The following PRKDC variants were observed in gnomAD, a reference collection of about 807,000 sequenced individuals.
The protein encoded by PRKDC is protein kinase, DNA-activated, catalytic subunit.
Under a neutral mutation model 486.9 loss-of-function variants are expected in PRKDC, and 82 were observed. The ratio of observed to expected loss-of-function variants is 0.17; its 90% CI spans 0.14 to 0.20. The LOEUF (loss-of-function observed/expected upper bound fraction) is 0.20. Ranked by LOEUF, PRKDC falls within the 10% of genes least tolerant of loss-of-function variation. The pLI is 1.00. For missense variants in PRKDC, 4,504 were observed against 5,038.2 expected, an observed-to-expected ratio of 0.89 and a Z score of 3.21; for synonymous variants, 1,895 against 1,837.0, an observed-to-expected ratio of 1.03 and a Z score of -0.81.
At chr8:47,907,649 C>T (rs2089815618) in intron 25 of PRKDC, among the ~76,000 whole-genome samples, 1 of 148,856 alleles carries the variant, frequency 6.7e-6, no homozygotes, top group Non-Finnish European at 1.5e-5. Flanking sequence ...ATTCTCCTGT[C>T]TCAGCCTCCC....
rs771266444 is a variant in PRKDC, at chr8:47,834,192, T to C, written c.8152+4A>G. 9 of 1,613,938 alleles carry C rather than the reference T, an allele frequency of 5.6e-6. No individual in the cohort carries two copies. In the East Asian group the frequency reaches 2.0e-4, roughly 36 times the overall value. On this transcript the variant is annotated splice_donor_region_variant and intron_variant, in intron 59 of 85. Transcript: ENST00000314191. ...TTTTAAGCACACTCAGCAACCCAGC[T>C]TACCTTTCACTTTGTTATCCACCTC...
intron 71 of PRKDC, among the ~76,000 whole-genome samples, chr8:47,799,762 G>A (rs746601816): frequency 2.0e-5 from 3 of 152,118 alleles, no homozygotes; most frequent in African/African-American, 4.8e-5. Context: ...AGAAGACAAG[G>A]CCCCACAACT....
chr8:47,843,518 G>A (rs1159255654), intron 54 of PRKDC, among the ~76,000 whole-genome samples: 2 of 152,110 alleles, frequency 1.3e-5, no homozygotes, highest in Non-Finnish European at 2.9e-5. Flanking sequence ...ACTAGAGGTA[G>A]GTGGGCATGC....
At chr8:47,832,050 G>A (rs768687682) in intron 59 of PRKDC, 124 bp from the exon 60 acceptor site, 97 of 765,574 alleles carry the variant, frequency 1.3e-4, no homozygotes, top group Non-Finnish European at 1.9e-4. Context: ...GCGACCGGGA[G>A]CAGGAGTGCA....
intron 80 of PRKDC, among the ~76,000 whole-genome samples, chr8:47,781,502 C>T (rs1428908119): frequency 6.6e-6 from 1 of 152,188 alleles, no homozygotes; most frequent in African/African-American, 2.4e-5. Context: ...CAGCTTGTCA[C>T]CCAAACCTGT....
intron 50 of PRKDC, 93 bp from the exon 51 acceptor site, chr8:47,854,307 G>C (rs954634930): frequency 7.0e-6 from 10 of 1,433,702 alleles, no homozygotes; most frequent in South Asian, 1.2e-5. Flanking sequence ...TTTTGAGACA[G>C]AGTCTGACTC....
At chr8:47,943,173 A>G (rs1249259801) in intron 10 of PRKDC, 36 bp downstream of exon 10, 13 of 1,596,540 alleles carry the variant, frequency 8.1e-6, no homozygotes, top group African/African-American at 1.3e-5. Flanking sequence ...TGTGTGTGAA[A>G]GAAATATTGT....
At position 47,957,206 on chromosome 8, in the gene PRKDC, C is replaced by T; in HGVS notation, c.289G>A (p.Gly97Ser). 3 of 1,599,510 alleles carry T rather than the reference C, an allele frequency of 1.9e-6. No homozygotes were observed. Among genetic ancestry groups the T allele is most frequent in the Non-Finnish European group, 1.7e-6 (2 of 1,169,278 alleles). ...ACAGAGTAAGGTGCGATCTTCTGGC[C>T]CATTTTTTCTAAGAAAATACATAAA... is the stretch of plus-strand genomic sequence containing the variant. ...KFLCIFLEKMGQKIAPYSVEI... is the reference protein window; with the variant it reads ...KFLCIFLEKMSQKIAPYSVEI... Residue 97 changes from glycine (G) to serine (S), a missense_variant, in exon 3 of 86, where the codon GGC becomes AGC. By Grantham distance (56) the Gly-to-Ser change is moderately conservative (BLOSUM62 0). Coordinates refer to ENST00000314191, the MANE Select transcript of PRKDC (RefSeq NM_006904.7).
chr8:47,784,133 C>A, intron 77 of PRKDC: 1 of 235,984 alleles, frequency 4.2e-6, no homozygotes, highest in South Asian at 6.2e-5. Flanking sequence ...TGGTGGGCGC[C>A]TATAGTCCCA....
intron 12 of PRKDC, 71 bp from the exon 13 acceptor site, chr8:47,935,971 C>A: frequency 7.2e-7 from 1 of 1,379,316 alleles, no homozygotes; most frequent in Non-Finnish European, 9.9e-7. Flanking sequence ...TACAAATATT[C>A]AAAGTAATTA....
In PRKDC at chr8:47,935,736, A is replaced by G. The variant is rs750894199; in HGVS notation, c.1443T>C (p.Thr481=). ...TACAATAAATTGCAAACTTACCCAC[A>G]GTACTAATGCAATTCCTGAGAACTG... The part of the protein sequence containing the change: ...KGPVLRNCIS[T]VVHQGLIRIC... Residue 481 remains threonine, a synonymous_variant, in exon 13 of 86, where the codon ACT becomes ACC. Coordinates refer to ENST00000314191, the MANE Select transcript of PRKDC (RefSeq NM_006904.7). 4.3e-6 allele frequency: 7 copies of G among 1,612,828 alleles called. No individual in the cohort carries two copies. In the Admixed American group the frequency reaches 8.3e-5, roughly 19 times the overall value.
chr8:47,788,991 A>T lies in PRKDC; in HGVS notation c.10817T>A (p.Ile3606Asn). The change falls in exon 76 of 86, where the codon ATT becomes AAT. Residue 3606 changes from isoleucine to asparagine, a missense_variant. Transcript: ENST00000314191. ...ATACATTCTTTCATACATTTTTTCA[A>T]TGTTTTTTTTATTTACAGGGGTTTT... ...LAKTPVNKKN[I>N]EKMYERMYAA... 1 of 1,613,424 alleles carries T rather than the reference A, an allele frequency of 6.2e-7. No homozygotes were observed. Among genetic ancestry groups the T allele is most frequent in the Non-Finnish European group, 8.5e-7 (1 of 1,179,646 alleles).
At chr8:47,818,135 G>A (rs1271514854) in intron 67 of PRKDC, among the ~76,000 whole-genome samples, 1 of 152,094 alleles carries the variant, frequency 6.6e-6, no homozygotes, top group Non-Finnish European at 1.5e-5. Flanking sequence ...TCTGTTGGGG[G>A]AAAACAGCAG....
intron 26 of PRKDC, 71 bp from the exon 27 acceptor site, chr8:47,902,866 ATC>A (rs2089714044): frequency 1.7e-6 from 2 of 1,159,850 alleles, no homozygotes; most frequent in Non-Finnish European, 2.3e-6. Flanking sequence ...CCCTTGGTCT[ATC>A]TCTGAGCATA....
At chr8:47,901,699 C>T (rs991501813) in intron 27 of PRKDC, among the ~76,000 whole-genome samples, 1 of 152,146 alleles carries the variant, frequency 6.6e-6, no homozygotes, top group Non-Finnish European at 1.5e-5. Context: ...GTAACCCTCA[C>T]GAAGGGCTGT....
At chr8:47,852,256 G>A (rs928118320) in intron 52 of PRKDC, among the ~76,000 whole-genome samples, 6 of 152,146 alleles carry the variant, frequency 3.9e-5, no homozygotes, top group African/African-American at 9.7e-5. Flanking sequence ...TGAGAGGGTC[G>A]CCTGGGAGAT....
chr8:47,897,397 G>C (rs2089600082), intron 29 of PRKDC, 103 bp from the exon 30 acceptor site: 3 of 1,167,518 alleles, frequency 2.6e-6, no homozygotes, highest in East Asian at 5.0e-5. Context: ...ACAGATATAT[G>C]TAGAAATCTC....
At chr8:47,890,502 T>A in intron 31 of PRKDC, 22 bp from the exon 32 acceptor site, 1 of 1,443,070 alleles carries the variant, frequency 6.9e-7, no homozygotes, top group Non-Finnish European at 9.5e-7. Flanking sequence ...TATATTAAAG[T>A]ATTAATATAT....
In PRKDC at chr8:47,888,567, C is replaced by T. The variant is rs753217189; in HGVS notation, c.4364G>A (p.Cys1455Tyr). 2.5e-6 allele frequency: 4 copies of T among 1,585,092 alleles called. No individual in the cohort carries two copies. Among genetic ancestry groups the T allele is most frequent in the Non-Finnish European group, 3.4e-6 (4 of 1,165,008 alleles). Residue 1455 changes from cysteine (C) to tyrosine (Y), a missense_variant, in exon 34 of 86, where the codon TGT becomes TAT. Transcript: ENST00000314191. ...RSRLAAVVSACKQLHRAGLLH... is the reference protein window; with the variant it reads ...RSRLAAVVSAYKQLHRAGLLH... ...AAGCCCAGCTCTGTGAAGCTGTTTA[C>T]AGGCAGACACAACAGCAGCCAGCCT...
Sources: allele counts gnomAD v4.1 joint callset (sites outside exome capture counted in the v4.1 genomes callset), GRCh38; gene constraint gnomAD v4.1.1; transcripts MANE v1.5; gene names NCBI Gene and HGNC (gene_info 2026-07-23, HGNC 2026-07-21).